Variants in ZNF215 observed in about 807,000 individuals in gnomAD.
ZNF215 encodes zinc finger protein 215.
ZNF215 carries 24 observed loss-of-function variants against 27.2 expected under a neutral mutation model. The ratio of observed to expected loss-of-function variants is 0.88; its 90% CI spans 0.64 to 1.24. The LOEUF is 1.24. Among genes scored for constraint, ZNF215 ranks in the 50% most tolerant of loss-of-function variants. The pLI, the probability that ZNF215 is intolerant of heterozygous loss-of-function variation, is 0.00. For synonymous variants in ZNF215, 210 were observed against 204.0 expected, an observed-to-expected ratio of 1.03 and a Z score of -0.25; for missense variants, 675 against 605.7, an observed-to-expected ratio of 1.11 and a Z score of -1.20.
intron 6 of ZNF215, among the ~76,000 whole-genome samples, chr11:6,943,929 C>T (rs1268896380): frequency 5.7e-5 from 8 of 139,328 alleles, no homozygotes; most frequent in Admixed American, 6.9e-5. Flanking sequence ...TAGTATCTAC[C>T]TCCAGGTTAC....
intron 6 of ZNF215, among the ~76,000 whole-genome samples, chr11:6,950,034 G>C (rs1849989937): frequency 6.6e-6 from 1 of 151,730 alleles, no homozygotes; most frequent in Non-Finnish European, 1.5e-5. Context: ...TCAAAGATCA[G>C]ATAGTTGTAG....
In ZNF215 at chr11:6,956,303, G is replaced by T; in HGVS notation, c.1326G>T (p.Lys442Asn). Residue 442 changes from lysine (K) to asparagine (N), a missense_variant, in exon 7 of 7, where the codon AAG (lysine) becomes AAT (asparagine). Coordinates refer to ENST00000278319, the MANE Select transcript of ZNF215 (RefSeq NM_013250.4). ...CCTGCACAAGCAATAAATGTGGAAA[G>T]GCCTTCAGTAAAAGTGAAGACAGTA... is the stretch of plus-strand genomic sequence containing the variant. ...AKACTSNKCG[K>N]AFSKSEDSNN... The T allele has an allele frequency of 6.2e-7, 1 of 1,614,122 alleles. No individual in the cohort carries two copies. The highest frequency in any genetic ancestry group is 8.5e-7 in the Non-Finnish European group (1 of 1,180,010).
intron 5 of ZNF215, among the ~76,000 whole-genome samples, chr11:6,975,820 G>C (rs539175255): frequency 6.6e-6 from 1 of 152,248 alleles, no homozygotes; most frequent in East Asian, 1.9e-4. Context: ...CGAAAGTGCA[G>C]ATATTTCTTT....
At chr11:6,994,205 T>TGATAC (rs1554948443) in intron 6 of ZNF215, among the ~76,000 whole-genome samples, 8 of 149,922 alleles carry the variant, frequency 5.3e-5, no homozygotes, top group Non-Finnish European at 1.2e-4. Flanking sequence ...ATATATTATA[T>TGATAC]ATTAATACCA....
At chr11:6,955,538 TTC>T (rs1456319669) in intron 6 of ZNF215, 150 bp from the exon 7 acceptor site, 13 of 741,570 alleles carry the variant, frequency 1.8e-5, no homozygotes, top group Non-Finnish European at 2.3e-5. Context: ...TACCATTTAT[TTC>T]TTTTATAAGT....
chr11:6,980,537 T>C (rs1437687355), intron 5 of ZNF215, among the ~76,000 whole-genome samples: 1 of 152,078 alleles, frequency 6.6e-6, no homozygotes, highest in Non-Finnish European at 1.5e-5. Context: ...TCCTTTTTGT[T>C]CTTGAGTATT....
At chr11:6,987,822 C>G (rs546796914), downstream of ZNF215, among the ~76,000 whole-genome samples, 121 of 152,276 alleles carry the variant, frequency 7.9e-4, 1 homozygote, top group African/African-American at 2.8e-3. Flanking sequence ...AAATTGCACC[C>G]CACTAACCCC....
At chr11:6,981,923 A>T (rs1429617257) in intron 5 of ZNF215, among the ~76,000 whole-genome samples, 2 of 152,074 alleles carry the variant, frequency 1.3e-5, no homozygotes, top group African/African-American at 4.8e-5. Flanking sequence ...AGTTGTAGAT[A>T]TGCGGCATTA....
At position 6,957,269 on chromosome 11, in the gene ZNF215, G is replaced by C; in HGVS notation, c.*738G>C. 4.6e-6 allele frequency: 4 copies of C among 868,514 alleles called. No individual in the cohort carries two copies. The highest frequency in any genetic ancestry group is 5.5e-6 in the Non-Finnish European group (4 of 723,434). The allele number at this position is 868,514 out of a possible 1,614,324, so 53.8% of individuals were successfully genotyped here. On this transcript the variant is annotated 3_prime_UTR_variant, in exon 7 of 7. Transcript: ENST00000278319. Reference sequence around the variant, plus strand: ...ATATCGATTCCCAGCCAGGGACACTGTGTGGAGTTCGCACACTCTCCCTAT... The same window carrying C: ...ATATCGATTCCCAGCCAGGGACACTCTGTGGAGTTCGCACACTCTCCCTAT...
chr11:6,987,120 A>T (rs2133363221), downstream of ZNF215, among the ~76,000 whole-genome samples: 1 of 152,302 alleles, frequency 6.6e-6, no homozygotes, highest in Admixed American at 6.5e-5. Context: ...AATAGCAAAG[A>T]CATGGTGACC....
chr11:6,951,761 C>A (rs1000090265), intron 6 of ZNF215, among the ~76,000 whole-genome samples: 4 of 152,028 alleles, frequency 2.6e-5, no homozygotes, highest in Admixed American at 2.6e-4. Context: ...TTAGTTATTT[C>A]TTGCCTTCTG....
Position 6,956,171 on chromosome 11 carries a change from G to C in ZNF215, c.1194G>C (p.Gln398His). The part of the protein sequence containing the change: ...FCRSSSLIRH[Q>H]IIHTGEKPYK... Reference sequence around the variant, plus strand: ...GAAGTTCATCCCTTATTCGACATCAGATCATTCACACAGGAGAGAAACCCT... The same window carrying C: ...GAAGTTCATCCCTTATTCGACATCACATCATTCACACAGGAGAGAAACCCT... Residue 398 changes from glutamine to histidine, a missense_variant, in exon 7 of 7, where the codon CAG becomes CAC. Gln to His is a conservative substitution (Grantham distance 24, BLOSUM62 0). Coordinates refer to ENST00000278319, the MANE Select transcript of ZNF215 (RefSeq NM_013250.4). 6.2e-7 allele frequency: 1 copy of C among 1,613,660 alleles called. No individual in the cohort carries two copies. Among genetic ancestry groups the C allele is most frequent in the South Asian group, 1.1e-5 (1 of 90,944 alleles).
chr11:6,948,655 C>G (rs1264684822), intron 6 of ZNF215, among the ~76,000 whole-genome samples: 1 of 152,074 alleles, frequency 6.6e-6, no homozygotes, highest in African/African-American at 2.4e-5. Context: ...GAGTGCGAAG[C>G]TGACATGATT....
chr11:6,933,767 C>T lies in ZNF215; in HGVS notation c.400+1095C>T, dbSNP rs904687385. On this transcript the variant is annotated intron_variant, in intron 3 of 6. Transcript: ENST00000278319. The stretch of plus-strand genomic sequence containing the variant: ...CCGAGATGGCGCCACTGCACTCCAG[C>T]CTGGGCCACAGTGCTAGACTCCATC... 8.4e-5 allele frequency among the ~76,000 whole-genome samples: 12 copies of T among 143,618 alleles called. No individual in the cohort carries two copies. The East Asian group carries it at 2.5e-3, about 29-fold the overall frequency. 94.2% of individuals were successfully genotyped at this position (143,618 alleles called of 152,430 possible).
At position 6,956,045 on chromosome 11, in the gene ZNF215, A is replaced by G; in HGVS notation, c.1068A>G (p.Glu356=). ...DSVGKQHSEY[E]YGNDLSLSTD... ...TAGGTAAGCAACATTCAGAATATGA[A>G]TATGGGAATGACTTGAGTTTGAGTA... The change falls in exon 7 of 7, where the codon GAA becomes GAG. Residue 356 remains glutamate (E), a synonymous_variant. Transcript: ENST00000278319. 1 of 1,609,680 alleles carries G rather than the reference A, an allele frequency of 6.2e-7. No homozygotes were observed.
chr11:6,956,562 C>A lies in ZNF215; in HGVS notation c.*31C>A. On this transcript the variant is annotated 3_prime_UTR_variant, in exon 7 of 7. Coordinates refer to ENST00000278319, the MANE Select transcript of ZNF215 (RefSeq NM_013250.4). ...GAAAAAATGAAAGATTACCTTCAGT[C>A]AGAATGCAGAACTCATTTAACATCA... The A allele has an allele frequency of 1.3e-6, 2 of 1,526,890 alleles. No homozygotes were observed. The highest frequency in any genetic ancestry group is 1.3e-5 in the South Asian group (1 of 75,106). The allele number at this position is 1,526,890 out of a possible 1,614,324, so 94.6% of individuals were successfully genotyped here.
chr11:6,943,765 G>A, intron 6 of ZNF215, 124 bp downstream of exon 6: 1 of 768,674 alleles, frequency 1.3e-6, no homozygotes, highest in Non-Finnish European at 2.2e-6. Context: ...AACTTTGAGG[G>A]GGAAAAGACA....
Position 6,956,629 on chromosome 11 carries a change from A to G in ZNF215, c.*98A>G, listed in dbSNP as rs2133303307. ...AAAATCTCATGAATATAATGTAAGA[A>G]AACATTTGTCAGATTTTTCTTTAAA... On this transcript the variant is annotated 3_prime_UTR_variant, in exon 7 of 7. Transcript: ENST00000278319. 7.0e-7 allele frequency: 1 copy of G among 1,430,054 alleles called. No homozygotes were observed. The highest frequency in any genetic ancestry group is 9.1e-7 in the Non-Finnish European group (1 of 1,098,080). 88.6% of individuals were successfully genotyped at this position (1,430,054 alleles called of 1,614,324 possible). A position where few individuals can be genotyped will look rare whatever the true frequency, so the allele number is the denominator to read the frequency against.
intron 2 of ZNF215, among the ~76,000 whole-genome samples, chr11:6,931,382 A>T (rs1385935539): frequency 1.3e-5 from 2 of 152,092 alleles, no homozygotes; most frequent in Non-Finnish European, 2.9e-5. Flanking sequence ...TTCTGCAAAG[A>T]CTCACACTGA....
Sources: gnomAD v4.1 joint callset for allele counts (sites outside exome capture counted in the v4.1 genomes callset) on GRCh38, gnomAD v4.1.1 for gene constraint, MANE v1.5 for transcripts, NCBI Gene and HGNC (gene_info 2026-07-23, HGNC 2026-07-21) for gene names.